The following CASKIN1 variants were observed in gnomAD, a reference collection of about 807,000 sequenced individuals.
CASKIN1 encodes the protein caskin-1.
A neutral mutation model predicts 117.5 loss-of-function variants in CASKIN1; 42 were observed. The observed-to-expected ratio is 0.36, with a 90% CI of 0.28 to 0.46. CASKIN1 has a LOEUF of 0.46. Among genes scored for constraint, CASKIN1 ranks in the 20% least tolerant of loss-of-function variants. CASKIN1 has a pLI of 1.00. For missense variants in CASKIN1, 2,083 were observed against 2,077.3 expected (o/e 1.00, Z -0.05); for synonymous variants, 1,148 against 961.7 (o/e 1.19, Z -3.59).
In CASKIN1 at chr16:2,179,182, G is replaced by C. The variant is rs2093157297; in HGVS notation, c.3919C>G (p.Pro1307Ala). Residue 1307 changes from proline (P) to alanine (A), a missense_variant, in exon 19 of 20, where the codon CCG becomes GCG. Pro to Ala is a conservative substitution (Grantham distance 27). Transcript: ENST00000343516. This position sits in a 1 kb window ranked among gnomAD's most constrained non-coding sequence, Gnocchi z 5.8. ...GGCGGCTTGGCGAGGGCGGCGGGCG[G>C]CTGTCGCGCGGGCGAGGGTGCGGGT... is the stretch of plus-strand genomic sequence containing the variant. ...PSPAPSPARQPPAALAKPPGT... is the reference protein window; with the variant it reads ...PSPAPSPARQAPAALAKPPGT... The C allele has an allele frequency of 8.9e-7, 1 of 1,125,834 alleles. No homozygotes were observed. The allele number at this position is 1,125,834 out of a possible 1,614,324, so 69.7% of individuals were successfully genotyped here. A position where few individuals can be genotyped will look rare whatever the true frequency, so the allele number is the denominator to read the frequency against.
At position 2,180,216 on chromosome 16, in the gene CASKIN1, T is replaced by C. The variant is rs1201195282; in HGVS notation, c.3152A>G (p.Glu1051Gly). ...ATVLASVKHK[E>G]AIGPGGEVVN... is the part of the protein sequence containing the mutation. ...CACCTCCCCGCCAGGCCCGATGGCC[T>C]CTTTGTGTTTCACTGAGGCCAGCAC... The change falls in exon 18 of 20, where the codon GAG (glutamate) becomes GGG (glycine). Residue 1051 changes from glutamate (E) to glycine (G), a missense_variant. Coordinates refer to ENST00000343516, the MANE Select transcript of CASKIN1 (RefSeq NM_020764.4). 2 of 1,550,566 alleles carry C rather than the reference T, an allele frequency of 1.3e-6. No individual in the cohort carries two copies. Among genetic ancestry groups the C allele is most frequent in the African/African-American group, 2.7e-5 (2 of 73,052 alleles).
In CASKIN1 at chr16:2,190,327, G is replaced by T. The variant is rs752328937; in HGVS notation, c.126C>A (p.Val42=). Residue 42 remains valine (V), a synonymous_variant, in exon 2 of 20, where the codon GTC becomes GTA. Transcript: ENST00000343516. ...CTCACCCATCCGGGTCCTGGAAGTT[G>T]ACATTGATCTTCTTGGTGGAACCCA... is the stretch of plus-strand genomic sequence containing the variant. ...KLLGSTKKIN[V]NFQDPDGFSA... is the part of the protein sequence containing the mutation. 6.3e-7 allele frequency: 1 copy of T among 1,576,728 alleles called. No individual in the cohort carries two copies. The highest frequency in any genetic ancestry group is 1.2e-5 in the South Asian group (1 of 86,720).
intron 1 of CASKIN1, among the ~76,000 whole-genome samples, chr16:2,191,793 T>C (rs1185388398): frequency 1.3e-5 from 2 of 152,310 alleles, no homozygotes; most frequent in East Asian, 1.9e-4. Context: ...TGCACACCTA[T>C]AGCTTGTCCG....
intron 3 of CASKIN1, 48 bp downstream of exon 3, chr16:2,190,025 T>G: frequency 3.8e-3 from 2,863 of 749,456 alleles, no homozygotes; most frequent in Non-Finnish European, 5.9e-3. Flanking sequence ...GGAGCCCCCC[T>G]CGCTGCCCCC....
rs1330636693 is a variant in CASKIN1 at position 2,177,907 on chromosome 16, G to GC, written c.*642dup. 3.0e-6 allele frequency: 1 copy of GC among 331,864 alleles called. No homozygotes were observed. The highest frequency in any genetic ancestry group is 5.7e-6 in the Non-Finnish European group (1 of 176,462). The allele number at this position is 331,864 out of a possible 1,614,324, so 20.6% of individuals were successfully genotyped here. ...CTTCCACCTGTGCTAGCAGCCTGGG[G>GC]CCTCCACTCTGGCCGGAGGAAGGAC... On this transcript the variant is annotated 3_prime_UTR_variant, in exon 20 of 20. Coordinates refer to ENST00000343516, the MANE Select transcript of CASKIN1 (RefSeq NM_020764.4).
rs972530575 is a variant in CASKIN1, at chr16:2,190,180, G to A, written c.147-10C>T. The A allele has an allele frequency of 2.5e-6, 4 of 1,612,642 alleles. No homozygotes were observed. The highest frequency in any genetic ancestry group is 2.2e-5 in the East Asian group (1 of 44,890). ...GTGCAGAGCCGAGAAGCTGGCACGT[G>A]CAGAGGACACATAGAGCAGAGGCCC... is the stretch of plus-strand genomic sequence containing the variant. On this transcript the variant is annotated splice_polypyrimidine_tract_variant and intron_variant, in intron 2 of 19. Transcript: ENST00000343516.
chr16:2,182,051 G>T lies in CASKIN1; in HGVS notation c.1630-122C>A. 4 of 1,392,054 alleles carry T rather than the reference G, an allele frequency of 2.9e-6. No individual in the cohort carries two copies. The highest frequency in any genetic ancestry group is 2.1e-4 in the Middle Eastern group (1 of 4,736). The allele number at this position is 1,392,054 out of a possible 1,614,324, so 86.2% of individuals were successfully genotyped here. On this transcript the variant is annotated intron_variant, in intron 16 of 19. Transcript: ENST00000343516. The surrounding 1 kb of genome is among the most constrained non-coding windows in gnomAD (Gnocchi z 4.1). ...GGCACAGACAGACAGGAGGACAAAC[G>T]GATAGGCCGAGGTATTGGCACCAGA...
At position 2,187,367 on chromosome 16, in the gene CASKIN1, G is replaced by A. The variant is rs1232655375; in HGVS notation, c.712C>T (p.Arg238Trp). 6.2e-7 allele frequency: 1 copy of A among 1,612,752 alleles called. No homozygotes were observed. The highest frequency in any genetic ancestry group is 8.5e-7 in the Non-Finnish European group (1 of 1,179,844). The change falls in exon 7 of 20, where the codon CGG becomes TGG. Residue 238 changes from arginine (R) to tryptophan (W), a missense_variant. Around this residue, in one of 3 missense-constraint regions of CASKIN1, gnomAD observed 203 missense variants for 338.7 expected, o/e 0.60. Transcript: ENST00000343516. ...AALCGKTEVV[R>W]LLLDSGINAH... Reference sequence around the variant, plus strand: ...CCCACACTCACATCCAGCAGCAGCCGCACCACCTCTGTCTTTCCGCAGAGC... The same window carrying A: ...CCCACACTCACATCCAGCAGCAGCCACACCACCTCTGTCTTTCCGCAGAGC...
rs1479274123 is a variant in CASKIN1, at chr16:2,182,793, T to G, written c.1629+853A>C. Among the ~76,000 whole-genome samples, 1 of 152,122 alleles carries G rather than the reference T, an allele frequency of 6.6e-6. No individual in the cohort carries two copies. ...ATCCCACTGCACAGGCACCTCCCTG[T>G]TGTTTTGCTTTGTTTGAGACGGAGC... On this transcript the variant is annotated intron_variant, in intron 16 of 19. Coordinates refer to ENST00000343516, the MANE Select transcript of CASKIN1 (RefSeq NM_020764.4). This position sits in a 1 kb window ranked among gnomAD's most constrained non-coding sequence, Gnocchi z 4.1.
intron 1 of CASKIN1, among the ~76,000 whole-genome samples, chr16:2,192,140 G>GA (rs1263905349): frequency 3.3e-5 from 5 of 151,222 alleles, no homozygotes; most frequent in East Asian, 1.9e-4. Context: ...AAAAATAAAG[G>GA]AAAAAAAAAG....
At chr16:2,185,730 G>C (rs918477613) in intron 10 of CASKIN1, among the ~76,000 whole-genome samples, 2 of 152,216 alleles carry the variant, frequency 1.3e-5, no homozygotes, top group Non-Finnish European at 2.9e-5. Context: ...CTAGAGCCAA[G>C]GCTCCCACTC....
intron 6 of CASKIN1, among the ~76,000 whole-genome samples, chr16:2,187,949 T>G (rs1313377958): frequency 6.6e-6 from 1 of 151,692 alleles, no homozygotes; most frequent in African/African-American, 2.4e-5. Flanking sequence ...AGTGGTGCAG[T>G]CATGGCTTAC....
At chr16:2,190,049 C>A in intron 3 of CASKIN1, 24 bp downstream of exon 3, 1 of 1,603,284 alleles carries the variant, frequency 6.2e-7, no homozygotes, top group South Asian at 1.1e-5. Context: ...CCTGCCCCCA[C>A]CAGAGGCCCT....
rs1181301263 is a variant in CASKIN1, at chr16:2,186,835, A to AGGTGG, written c.931-16_931-12dup. On this transcript the variant is annotated splice_polypyrimidine_tract_variant and intron_variant, in intron 9 of 19. Transcript: ENST00000343516. Reference sequence around the variant, plus strand: ...ATGCTGCTCGAGGACCTGGCCAGTAAGGTGGGGGGCGCTCAGGGAGATGCC... The same window carrying AGGTGG: ...ATGCTGCTCGAGGACCTGGCCAGTAAGGTGGGGTGGGGGGCGCTCAGGGAGATGCC... The AGGTGG allele has an allele frequency of 6.2e-7, 1 of 1,612,194 alleles. No homozygotes were observed. The highest frequency in any genetic ancestry group is 1.3e-5 in the African/African-American group (1 of 74,930).
rs954754613 is a variant in CASKIN1, at chr16:2,179,179, G to T, written c.3922C>A (p.Pro1308Thr). The change falls in exon 19 of 20, where the codon CCC becomes ACC. Residue 1308 changes from proline to threonine, a missense_variant. Physicochemically the swap from Pro to Thr is conservative, Grantham distance 38 (BLOSUM62 -1). Around this residue, in one of 3 missense-constraint regions of CASKIN1, gnomAD observed 1,818 missense variants for 1,688.9 expected, o/e 1.08. Transcript: ENST00000343516. The surrounding 1 kb of genome is among the most constrained non-coding windows in gnomAD (Gnocchi z 5.8). ...SPAPSPARQP[P>T]AALAKPPGTP... ...CCGGGCGGCTTGGCGAGGGCGGCGGGCGGCTGTCGCGCGGGCGAGGGTGCG... is the reference window on the plus strand; with the variant it reads ...CCGGGCGGCTTGGCGAGGGCGGCGGTCGGCTGTCGCGCGGGCGAGGGTGCG... The T allele has an allele frequency of 2.2e-4, 244 of 1,119,994 alleles. No homozygotes were observed. Among genetic ancestry groups the T allele is most frequent in the Non-Finnish European group, 2.5e-4 (232 of 916,352 alleles). 69.4% of individuals were successfully genotyped at this position (1,119,994 alleles called of 1,614,324 possible).
chr16:2,186,113 AG>A (rs2093183699), intron 10 of CASKIN1, among the ~76,000 whole-genome samples: 3 of 152,082 alleles, frequency 2.0e-5, no homozygotes, highest in African/African-American at 7.2e-5. Context: ...CTGGGGCCAT[AG>A]GCGCACAACA....
rs2093171487 is a variant in CASKIN1 at position 2,182,605 on chromosome 16, A to G, written c.1630-676T>C. 6.6e-6 allele frequency among the ~76,000 whole-genome samples: 1 copy of G among 152,170 alleles called. No individual in the cohort carries two copies. Among genetic ancestry groups the G allele is most frequent in the African/African-American group, 2.4e-5 (1 of 41,444 alleles). On this transcript the variant is annotated intron_variant, in intron 16 of 19. Transcript: ENST00000343516. This position sits in a 1 kb window ranked among gnomAD's most constrained non-coding sequence, Gnocchi z 4.1. The stretch of plus-strand genomic sequence containing the variant: ...CCCCTAGGAGGATCCCCGAGCCACC[A>G]ATTGAGTGAGGCAAGGCAGGGTGAG...
intron 1 of CASKIN1, among the ~76,000 whole-genome samples, chr16:2,191,916 T>G (rs1194227465): frequency 1.3e-5 from 2 of 152,142 alleles, no homozygotes; most frequent in Non-Finnish European, 2.9e-5. Context: ...ATAAGTGCCA[T>G]CCCCTCCCCA....
chr16:2,178,893 C>G lies in CASKIN1; in HGVS notation c.4199+9G>C, dbSNP rs762069266. On this transcript the variant is annotated intron_variant, in intron 19 of 19. Transcript: ENST00000343516. ...GCCCTCCGCCCGCCAGGCCCCGCCC[C>G]GCACCTACCGCGGGCCCTGCGCGTC... The G allele has an allele frequency of 1.4e-6, 2 of 1,448,366 alleles. No homozygotes were observed. Among genetic ancestry groups the G allele is most frequent in the South Asian group, 1.4e-5 (1 of 72,810 alleles). 89.7% of individuals were successfully genotyped at this position (1,448,366 alleles called of 1,614,324 possible).
Sources: allele counts gnomAD v4.1 joint callset (sites outside exome capture counted in the v4.1 genomes callset), GRCh38; gene constraint gnomAD v4.1.1; regional missense constraint gnomAD v4.1.1; non-coding constraint Gnocchi (gnomAD v3.1); transcripts MANE v1.5; gene names NCBI Gene and HGNC (gene_info 2026-07-23, HGNC 2026-07-21).